The following TTF1 variants were observed in gnomAD, a reference collection of about 807,000 sequenced individuals.
TTF1 encodes the protein transcription termination factor, RNA polymerase I.
TTF1 carries 64 observed loss-of-function variants against 80.2 expected under a neutral mutation model. That is an observed-to-expected ratio of 0.80 (90% CI 0.65 to 0.98). The LOEUF (loss-of-function observed/expected upper bound fraction) is 0.98, where lower values mean the gene tolerates loss of function less well. Among genes scored for constraint, TTF1 ranks in the 50% least tolerant of loss-of-function variants. The pLI, the probability that TTF1 is intolerant of heterozygous loss-of-function variation, is 0.00. For missense variants in TTF1, 1,023 were observed against 1,086.2 expected, an observed-to-expected ratio of 0.94 and a Z score of 0.82; for synonymous variants, 372 against 382.7, an observed-to-expected ratio of 0.97 and a Z score of 0.33.
chr9:132,390,039 G>A (rs1396544114), intron 7 of TTF1, among the ~76,000 whole-genome samples: 3 of 152,072 alleles, frequency 2.0e-5, no homozygotes, highest in African/African-American at 4.8e-5. Flanking sequence ...GCAATGGGGC[G>A]ATCTCAGCTC....
chr9:132,386,035 T>C (rs1395183457), intron 9 of TTF1, among the ~76,000 whole-genome samples: 3 of 152,180 alleles, frequency 2.0e-5, no homozygotes, highest in Non-Finnish European at 4.4e-5. Context: ...ATAATTGGAA[T>C]TGATAAAAGG....
intron 7 of TTF1, 26 bp from the exon 8 acceptor site, chr9:132,388,254 G>C (rs1849505574): frequency 6.6e-7 from 1 of 1,525,878 alleles, no homozygotes; most frequent in African/African-American, 1.4e-5. Flanking sequence ...GAAAAACATA[G>C]TTTACTTTCA....
rs1325892139 is a variant in TTF1 at position 132,389,397 on chromosome 9, G to C, written c.2223-1169C>G. On this transcript the variant is annotated intron_variant, in intron 7 of 10. Coordinates refer to ENST00000334270, the MANE Select transcript of TTF1 (RefSeq NM_007344.4). Reference sequence around the variant, plus strand: ...GGGGTTTCACTATGTTGGCCAGTCTGGTCTTGAACTCCTGACCTTGTAATC... The same window carrying C: ...GGGGTTTCACTATGTTGGCCAGTCTCGTCTTGAACTCCTGACCTTGTAATC... Among the ~76,000 whole-genome samples, 16 of 151,792 alleles carry C rather than the reference G, an allele frequency of 1.1e-4. No individual in the cohort carries two copies. The South Asian group carries it at 3.3e-3, about 32-fold the overall frequency.
In TTF1 at chr9:132,388,100, C is replaced by G. The variant is rs763900280; in HGVS notation, c.2312+39G>C. On this transcript the variant is annotated intron_variant, in intron 8 of 10. Coordinates refer to ENST00000334270, the MANE Select transcript of TTF1 (RefSeq NM_007344.4). ...TTAACAACTTCTCTTTGGCTAGAGA[C>G]AGAAACAGTTAAGAGGCATCCGTTT... 5.1e-5 allele frequency: 76 copies of G among 1,503,382 alleles called. No homozygotes were observed. In the South Asian group the frequency reaches 8.4e-4, roughly 17 times the overall value. 93.1% of individuals were successfully genotyped at this position (1,503,382 alleles called of 1,614,324 possible).
chr9:132,396,463 T>C lies in TTF1; in HGVS notation c.1826A>G (p.Lys609Arg). 1 of 1,614,192 alleles carries C rather than the reference T, an allele frequency of 6.2e-7. No individual in the cohort carries two copies. The highest frequency in any genetic ancestry group is 8.5e-7 in the Non-Finnish European group (1 of 1,180,030). The change falls in exon 5 of 11, where the codon AAG becomes AGG. Residue 609 changes from lysine to arginine, a missense_variant. Lys to Arg is a conservative substitution (Grantham distance 26). Coordinates refer to ENST00000334270, the MANE Select transcript of TTF1 (RefSeq NM_007344.4). ...PWKLIYYRAKKMFDVNNYKGR... is the reference protein window; with the variant it reads ...PWKLIYYRAKRMFDVNNYKGR... ...TTTGTAATTGTTGACATCGAACATC[T>C]TCTTTGCTCGATAGTATATAAGTTT... is the stretch of plus-strand genomic sequence containing the variant.
chr9:132,378,046 A>G (rs1489573094), intron 10 of TTF1, among the ~76,000 whole-genome samples: 1 of 62,396 alleles, frequency 1.6e-5, no homozygotes, highest in African/African-American at 6.6e-5. Context: ...TGTGTGTGTG[A>G]ATGCATGTGG....
chr9:132,388,740 T>C (rs759884336), intron 7 of TTF1, among the ~76,000 whole-genome samples: 1 of 152,186 alleles, frequency 6.6e-6, no homozygotes, highest in Non-Finnish European at 1.5e-5. Context: ...AAGTGAGAAA[T>C]GATTTGATGA....
Position 132,388,244 on chromosome 9 carries a change from G to A in TTF1, c.2223-16C>T. On this transcript the variant is annotated splice_polypyrimidine_tract_variant and intron_variant, in intron 7 of 10. Coordinates refer to ENST00000334270, the MANE Select transcript of TTF1 (RefSeq NM_007344.4). ...AATTTCTGTCCTACATTAAAAGGAA[G>A]AAAAACATAGTTTACTTTCAAGGGT... The A allele has an allele frequency of 3.9e-6, 6 of 1,551,064 alleles. No individual in the cohort carries two copies. The highest frequency in any genetic ancestry group is 2.7e-5 in the African/African-American group (2 of 73,860).
chr9:132,398,800 G>A (rs1564189691), intron 3 of TTF1, among the ~76,000 whole-genome samples: 1 of 152,020 alleles, frequency 6.6e-6, no homozygotes. Context: ...GTTTTGCCCA[G>A]ACTGGTCTTA....
rs1480808787 is a variant in TTF1, at chr9:132,402,610, C to T, written c.212G>A (p.Arg71Lys). The T allele has an allele frequency of 6.2e-7, 1 of 1,613,362 alleles. No homozygotes were observed. Among genetic ancestry groups the T allele is most frequent in the East Asian group, 2.2e-5 (1 of 44,876 alleles). The change falls in exon 2 of 11, where the codon AGA becomes AAA. Residue 71 changes from arginine (R) to lysine (K), a missense_variant. Arg to Lys is a conservative substitution (Grantham distance 26). Coordinates refer to ENST00000334270, the MANE Select transcript of TTF1 (RefSeq NM_007344.4). ...GGCATTTGCAGTCTCATCACAGATT[C>T]TGGATTTTTTCAAAGGAGAAGAAAT... ...HLISSPLKKSRICDETANATS... is the reference protein window; with the variant it reads ...HLISSPLKKSKICDETANATS...
In TTF1 at chr9:132,402,143, T is replaced by G. The variant is rs761942753; in HGVS notation, c.679A>C (p.Ser227Arg). Residue 227 changes from serine (S) to arginine (R), a missense_variant, in exon 2 of 11, where the codon AGT becomes CGT. Ser to Arg is a moderately radical substitution (Grantham distance 110). Coordinates refer to ENST00000334270, the MANE Select transcript of TTF1 (RefSeq NM_007344.4). ...NKSKKKKKKS[S>R]NREYETLAMP... is the part of the protein sequence containing the mutation. ...GCCAGTGTCTCATATTCCCGGTTAC[T>G]GGACTTTTTCTTTTTTTTCTTAGAC... 4 of 1,614,024 alleles carry G rather than the reference T, an allele frequency of 2.5e-6. No homozygotes were observed. Among genetic ancestry groups the G allele is most frequent in the Non-Finnish European group, 3.4e-6 (4 of 1,180,030 alleles).
At chr9:132,386,462 A>G in intron 9 of TTF1, 94 bp downstream of exon 9, 3 of 1,065,772 alleles carry the variant, frequency 2.8e-6, no homozygotes, top group Non-Finnish European at 4.2e-6. Context: ...CAAATGCAGC[A>G]TCATTATCAG....
Position 132,402,450 on chromosome 9 carries a change from A to G in TTF1, c.372T>C (p.Asp124=), listed in dbSNP as rs1305887404. Residue 124 remains aspartate, a synonymous_variant, in exon 2 of 11, where the codon GAT becomes GAC. Transcript: ENST00000334270. ...NTPKHFRKDV[D]VVCVDMSIEQ... ...CTATGCTCATATCAACACAAACAAC[A>G]TCAACATCCTTTCTAAAATGCTTTG... 6.2e-7 allele frequency: 1 copy of G among 1,614,202 alleles called. No homozygotes were observed. The highest frequency in any genetic ancestry group is 8.5e-7 in the Non-Finnish European group (1 of 1,180,034).
chr9:132,401,355 A>T (rs919050189), intron 2 of TTF1, 100 bp downstream of exon 2: 31 of 1,065,684 alleles, frequency 2.9e-5, no homozygotes, highest in Non-Finnish European at 3.4e-5. Context: ...AAATAAAAAT[A>T]AAATTAAAAA....
At chr9:132,395,674 G>C (rs915744408) in intron 5 of TTF1, among the ~76,000 whole-genome samples, 10 of 152,190 alleles carry the variant, frequency 6.6e-5, no homozygotes, top group Non-Finnish European at 1.2e-4. Flanking sequence ...GGAAGTTTAA[G>C]TAATGACCTA....
chr9:132,386,250 G>A (rs975129559), intron 9 of TTF1, among the ~76,000 whole-genome samples: 2 of 152,108 alleles, frequency 1.3e-5, no homozygotes, highest in African/African-American at 4.8e-5. Context: ...GAGGCGTGAT[G>A]ATCTATGTGA....
rs529179150 is a variant in TTF1 at position 132,386,700 on chromosome 9, G to C, written c.2313-79C>G. 1.0e-5 allele frequency: 12 copies of C among 1,194,978 alleles called. No homozygotes were observed. The South Asian group carries it at 1.1e-4, about 11-fold the overall frequency. The allele number at this position is 1,194,978 out of a possible 1,614,324, so 74.0% of individuals were successfully genotyped here. ...TCTTCATGGACGCGTGGAGTGCTGAGAGCTGGAAGGTATGTGCGCTTTCGC... is the reference window on the plus strand; with the variant it reads ...TCTTCATGGACGCGTGGAGTGCTGACAGCTGGAAGGTATGTGCGCTTTCGC... On this transcript the variant is annotated intron_variant, in intron 8 of 10. Transcript: ENST00000334270.
chr9:132,390,527 A>T, intron 7 of TTF1, 70 bp downstream of exon 7: 3 of 1,479,716 alleles, frequency 2.0e-6, no homozygotes, highest in Non-Finnish European at 2.8e-6. Flanking sequence ...GCAGTTACAC[A>T]GATATTCTTG....
chr9:132,377,507 TGTG>T (rs1454790677), intron 10 of TTF1, among the ~76,000 whole-genome samples: 11 of 105,214 alleles, frequency 1.0e-4, no homozygotes, highest in African/African-American at 3.8e-4. Flanking sequence ...AGTGCATGCA[TGTG>T]GTGTGAGTGC....
Sources: gnomAD v4.1 joint callset for allele counts (sites outside exome capture counted in the v4.1 genomes callset) on GRCh38, gnomAD v4.1.1 for gene constraint, MANE v1.5 for transcripts, NCBI Gene and HGNC (gene_info 2026-07-23, HGNC 2026-07-21) for gene names.